ERI3: variants seen among roughly 807,000 people sequenced by gnomAD.
ERI3 encodes ERI1 exoribonuclease 3.
A neutral mutation model predicts 44.4 loss-of-function variants in ERI3; 18 were observed. That is an observed-to-expected ratio of 0.41 (90% CI 0.28 to 0.60). The LOEUF (loss-of-function observed/expected upper bound fraction) is 0.60, where lower values mean the gene tolerates loss of function less well. Ranked by LOEUF, ERI3 falls within the 20% of genes least tolerant of loss-of-function variation. ERI3 has a pLI of 0.36. For missense variants in ERI3, 294 were observed against 435.5 expected, an observed-to-expected ratio of 0.68 and a Z score of 2.89; for synonymous variants, 183 against 164.8, an observed-to-expected ratio of 1.11 and a Z score of -0.84.
At chr1:44,303,305 G>C (rs192935451) in intron 6 of ERI3, among the ~76,000 whole-genome samples, 223 of 152,320 alleles carry the variant, frequency 1.5e-3, no homozygotes, top group African/African-American at 5.1e-3. Flanking sequence ...GGTGTAGCAA[G>C]GCCTGAGAAT....
chr1:44,310,963 G>GCACACA (rs58344074), intron 5 of ERI3, among the ~76,000 whole-genome samples: 11 of 123,240 alleles, frequency 8.9e-5, no homozygotes, highest in Non-Finnish European at 1.5e-4. Context: ...GCGCGCGCGC[G>GCACACA]CACACACACA....
intron 2 of ERI3, among the ~76,000 whole-genome samples, chr1:44,351,469 TATAA>T (rs1021170242): frequency 1.2e-4 from 19 of 152,226 alleles, no homozygotes; most frequent in Non-Finnish European, 1.0e-4. Flanking sequence ...ACCTTTATTT[TATAA>T]ATAAAGTTTT....
intron 3 of ERI3, among the ~76,000 whole-genome samples, chr1:44,328,229 A>AC (rs1646354843): frequency 1.0e-5 from 1 of 100,462 alleles, no homozygotes; most frequent in African/African-American, 3.9e-5. Flanking sequence ...CCCGCCCCCC[A>AC]CCCCCGCAAT....
At chr1:44,297,699 T>C (rs987065282) in intron 6 of ERI3, among the ~76,000 whole-genome samples, 1 of 152,196 alleles carries the variant, frequency 6.6e-6, no homozygotes, top group African/African-American at 2.4e-5. Flanking sequence ...CTAGGAGAAC[T>C]GGTGGTTTGC....
intron 8 of ERI3, chr1:44,242,006 C>G (rs1644449293): frequency 1.0e-6 from 1 of 985,570 alleles, no homozygotes; most frequent in Non-Finnish European, 1.2e-6. Context: ...CTCTGGGGCT[C>G]CAAGGGGGTC....
At chr1:44,236,716 A>T (rs967979141) in intron 8 of ERI3, among the ~76,000 whole-genome samples, 19 of 152,132 alleles carry the variant, frequency 1.2e-4, no homozygotes, top group African/African-American at 4.6e-4. Context: ...AGCAGAGGAC[A>T]GAGGCTGTGA....
In ERI3 at chr1:44,319,622, C is replaced by T. The variant is rs769378802; in HGVS notation, c.606+6G>A. 8.7e-6 allele frequency: 14 copies of T among 1,603,814 alleles called. No individual in the cohort carries two copies. In the African/African-American group the frequency reaches 1.5e-4, roughly 17 times the overall value. On this transcript the variant is annotated splice_donor_region_variant and intron_variant, in intron 4 of 8. Coordinates refer to ENST00000372257, the MANE Select transcript of ERI3 (RefSeq NM_024066.3). ...AGCCCCTGCTGCCCACTTCCAGGGC[C>T]CTTACCTCTGTACAGAATGGGGTAA...
intron 5 of ERI3, among the ~76,000 whole-genome samples, chr1:44,309,060 C>CTT: frequency 6.6e-6 from 1 of 152,212 alleles, no homozygotes; most frequent in Admixed American, 6.5e-5. Flanking sequence ...ATTTTGAAGG[C>CTT]TGAGCTCAAT....
intron 6 of ERI3, among the ~76,000 whole-genome samples, chr1:44,285,557 G>T (rs1195924148): frequency 6.6e-6 from 1 of 152,118 alleles, no homozygotes; most frequent in African/African-American, 2.4e-5. Flanking sequence ...TCAAATCAAG[G>T]GTCTGTTCTT....
intron 5 of ERI3, among the ~76,000 whole-genome samples, chr1:44,309,208 T>C (rs896309741): frequency 1.3e-5 from 2 of 152,148 alleles, no homozygotes; most frequent in African/African-American, 4.8e-5. Context: ...TCATAAACAA[T>C]TCAAGACTGG....
intron 8 of ERI3, among the ~76,000 whole-genome samples, chr1:44,227,233 C>T (rs558634784): frequency 6.6e-6 from 1 of 152,294 alleles, no homozygotes; most frequent in South Asian, 2.1e-4. Context: ...CTTGGTAACA[C>T]ACTTTATTAC....
chr1:44,255,654 C>T (rs536141504), intron 7 of ERI3, among the ~76,000 whole-genome samples: 2 of 152,270 alleles, frequency 1.3e-5, no homozygotes, highest in East Asian at 1.9e-4. Context: ...TTCACACAGA[C>T]GCTTCATTCT....
intron 2 of ERI3, among the ~76,000 whole-genome samples, chr1:44,349,246 G>A (rs1201223793): frequency 2.0e-5 from 3 of 152,126 alleles, no homozygotes; most frequent in Admixed American, 1.3e-4. Context: ...TCCACCTCCC[G>A]GGTTCAAGCA....
intron 2 of ERI3, among the ~76,000 whole-genome samples, chr1:44,351,830 AT>A (rs970904599): frequency 7.2e-4 from 106 of 146,684 alleles, no homozygotes; most frequent in Middle Eastern, 3.5e-3. Context: ...TCTTCACCTA[AT>A]TTTTTTTTTT....
intron 8 of ERI3, among the ~76,000 whole-genome samples, chr1:44,240,379 ACTT>A (rs1399280703): frequency 1.3e-5 from 2 of 152,168 alleles, no homozygotes; most frequent in African/African-American, 4.8e-5. Context: ...AGCTGAATGA[ACTT>A]CTCTGCCTAC....
At chr1:44,248,858 A>G (rs893952737) in intron 7 of ERI3, among the ~76,000 whole-genome samples, 2 of 152,040 alleles carry the variant, frequency 1.3e-5, no homozygotes. Flanking sequence ...CGATCTGCTC[A>G]GGCCCCAGCA....
At chr1:44,315,450 G>A (rs974272220) in intron 4 of ERI3, among the ~76,000 whole-genome samples, 3 of 152,216 alleles carry the variant, frequency 2.0e-5, no homozygotes, top group Non-Finnish European at 4.4e-5. Flanking sequence ...AAACCAGGGT[G>A]CTGCTCTGGT....
rs1384675469 is a variant in ERI3, at chr1:44,353,973, G to A, written c.135+919C>T. The A allele has an allele frequency of 7.1e-6, 7 of 985,212 alleles. No homozygotes were observed. In the Admixed American group the frequency reaches 1.8e-4, roughly 26 times the overall value. The allele number at this position is 985,212 out of a possible 1,614,324, so 61.0% of individuals were successfully genotyped here. A position where few individuals can be genotyped will look rare whatever the true frequency, so the allele number is the denominator to read the frequency against. ...TAGTGGAGTCACACTCCAAGTCCCT[G>A]TTTATAAATTGGCTTTTAAATGGTA... On this transcript the variant is annotated intron_variant, in intron 1 of 8. Coordinates refer to ENST00000372257, the MANE Select transcript of ERI3 (RefSeq NM_024066.3).
chr1:44,270,341 T>C (rs1415229003), intron 7 of ERI3, among the ~76,000 whole-genome samples: 1 of 152,182 alleles, frequency 6.6e-6, no homozygotes, highest in Non-Finnish European at 1.5e-5. Flanking sequence ...CCTAGCTCTG[T>C]GGATTAAGAG....
Sources: allele counts gnomAD v4.1 joint callset (sites outside exome capture counted in the v4.1 genomes callset), GRCh38; gene constraint gnomAD v4.1.1; transcripts MANE v1.5; gene names NCBI Gene and HGNC (gene_info 2026-07-23, HGNC 2026-07-21).